HMGN5: variants seen among roughly 807,000 people sequenced by gnomAD.
The protein encoded by HMGN5 is high mobility group nucleosome binding domain 5.
HMGN5 carries 4 observed loss-of-function variants against 9.5 expected under a neutral mutation model. That is an observed-to-expected ratio of 0.42 (90% CI 0.21 to 0.96). HMGN5 has a LOEUF of 0.96. Among genes scored for constraint, HMGN5 ranks in the 40% least tolerant of loss-of-function variants. HMGN5 has a pLI of 0.30. For missense variants in HMGN5, 192 were observed against 187.5 expected (o/e 1.02, Z -0.14); for synonymous variants, 55 against 57.1 (o/e 0.96, Z 0.16).
chrX:81,121,397 C>T (rs113202700), intron 2 of HMGN5, 138 bp downstream of exon 2: 12 of 593,289 alleles, frequency 2.0e-5, no homozygotes, highest in African/African-American at 6.7e-5. Flanking sequence ...GCCCTTCTAC[C>T]CCTTTCCGTT....
At chrX:81,185,295 A>C (rs954957508) in intron 1 of HMGN5, among the ~76,000 whole-genome samples, 2 of 111,340 alleles carry the variant, frequency 1.8e-5, no homozygotes, top group Non-Finnish European at 3.8e-5. Context: ...TTCTTACATC[A>C]ATGTTTTATA....
intron 1 of HMGN5, among the ~76,000 whole-genome samples, chrX:81,147,059 T>C (rs1322159278): frequency 3.6e-5 from 4 of 111,708 alleles, no homozygotes; most frequent in Admixed American, 9.5e-5. Context: ...AGCCAAATTC[T>C]ACTAGAGGTA....
chrX:81,122,673 A>G (rs1420703691), intron 1 of HMGN5, among the ~76,000 whole-genome samples: 1 of 111,912 alleles, frequency 8.9e-6, no homozygotes, highest in African/African-American at 3.3e-5. Flanking sequence ...AAGTATCTTC[A>G]TTACTGAGTT....
At chrX:81,188,673 G>C (rs1201220997) in intron 1 of HMGN5, among the ~76,000 whole-genome samples, 1 of 107,110 alleles carries the variant, frequency 9.3e-6, no homozygotes, top group East Asian at 2.9e-4. Flanking sequence ...TCCCCTTCCT[G>C]TGTCCAAGTG....
intron 1 of HMGN5, among the ~76,000 whole-genome samples, chrX:81,164,830 A>C (rs187664182): frequency 0.011 from 1,262 of 111,146 alleles, 18 homozygotes; most frequent in African/African-American, 0.039. Context: ...TATAACCCCC[A>C]CAGTCTTCCA....
At chrX:81,152,402 C>T (rs1302597074) in intron 1 of HMGN5, among the ~76,000 whole-genome samples, 1 of 110,806 alleles carries the variant, frequency 9.0e-6, no homozygotes, top group Admixed American at 9.6e-5. Flanking sequence ...AAATGCTCAC[C>T]ATCACTGGCC....
intron 1 of HMGN5, among the ~76,000 whole-genome samples, chrX:81,125,976 C>G (rs958951615): frequency 4.6e-5 from 5 of 109,617 alleles, no homozygotes; most frequent in African/African-American, 1.0e-4. Flanking sequence ...GGTGAAACCC[C>G]ATCTCTACCA....
rs986937636 is a variant in HMGN5 at position 81,161,527 on chromosome X, C to T, written c.-123-39855G>A. Among the ~76,000 whole-genome samples the T allele has an allele frequency of 2.3e-4, 25 of 110,905 alleles. No homozygotes were observed. The Admixed American group carries it at 2.4e-3, about 11-fold the overall frequency. On this transcript the variant is annotated intron_variant, in intron 1 of 6. Coordinates refer to ENST00000358130, the MANE Select transcript of HMGN5 (RefSeq NM_030763.3). ...AGAATGCTTTGTTACTCAATTATTG[C>T]TAACTGAAATATAATTTGGTACCTG...
Position 81,115,075 on chromosome X carries a change from T to G in HMGN5, c.423A>C (p.Lys141Asn). 8.6e-7 allele frequency: 1 copy of G among 1,160,107 alleles called. No homozygotes were observed. Among genetic ancestry groups the G allele is most frequent in the Non-Finnish European group, 1.1e-6 (1 of 870,581 alleles). ...KEDEEDQNEE[K>N]GEAGKEDKDE... ...CTTTGTCTTCTTTTCCAGCTTCCCC[T>G]TTCTCTTCGTTTTGATCTTCTTCAT... is the stretch of plus-strand genomic sequence containing the variant. The change falls in exon 7 of 7, where the codon AAA becomes AAC. Residue 141 changes from lysine to asparagine, a missense_variant. Physicochemically the swap from Lys to Asn is moderately conservative, Grantham distance 94. Coordinates refer to ENST00000358130, the MANE Select transcript of HMGN5 (RefSeq NM_030763.3).
At chrX:81,179,338 A>G (rs956145419) in intron 1 of HMGN5, among the ~76,000 whole-genome samples, 15 of 112,000 alleles carry the variant, frequency 1.3e-4, no homozygotes, top group Non-Finnish European at 3.8e-5. Flanking sequence ...TAAGCTGATA[A>G]GCAACTTCAG....
intron 1 of HMGN5, among the ~76,000 whole-genome samples, chrX:81,124,766 C>T (rs1253149654): frequency 5.4e-5 from 6 of 110,947 alleles, no homozygotes; most frequent in Non-Finnish European, 1.1e-4. Context: ...TCTAAGATTA[C>T]GTTGGCTTGT....
rs898978224 is a variant in HMGN5 at position 81,114,356 on chromosome X, G to T, written c.*293C>A. The T allele has an allele frequency of 1.2e-5, 2 of 169,007 alleles. No individual in the cohort carries two copies. Among genetic ancestry groups the T allele is most frequent in the Non-Finnish European group, 2.2e-5 (2 of 91,066 alleles). The allele number at this position is 169,007 out of a possible 1,213,427, so 13.9% of individuals were successfully genotyped here. A position where few individuals can be genotyped will look rare whatever the true frequency, so the allele number is the denominator to read the frequency against. Reference sequence around the variant, plus strand: ...TTATGAAATTATCACATGTATAAAAGAGTAAAATTAAAATTCAAAGATTTG... The same window carrying T: ...TTATGAAATTATCACATGTATAAAATAGTAAAATTAAAATTCAAAGATTTG... On this transcript the variant is annotated 3_prime_UTR_variant, in exon 7 of 7. Coordinates refer to ENST00000358130, the MANE Select transcript of HMGN5 (RefSeq NM_030763.3).
At chrX:81,126,577 A>G (rs2075284280) in intron 1 of HMGN5, among the ~76,000 whole-genome samples, 1 of 111,753 alleles carries the variant, frequency 8.9e-6, no homozygotes, top group Admixed American at 9.6e-5. Flanking sequence ...CTTGCCAGCA[A>G]AGAGGTTTTC....
At chrX:81,154,170 A>C (rs768356404) in intron 1 of HMGN5, among the ~76,000 whole-genome samples, 2 of 111,442 alleles carry the variant, frequency 1.8e-5, no homozygotes, top group South Asian at 7.5e-4. Flanking sequence ...ACAGACATAT[A>C]CACCAAAGGA....
intron 1 of HMGN5, among the ~76,000 whole-genome samples, chrX:81,148,923 A>G (rs918176807): frequency 1.8e-5 from 2 of 112,123 alleles, no homozygotes; most frequent in African/African-American, 6.5e-5. Context: ...CAAAACCACA[A>G]TGAGATACCA....
In HMGN5 at chrX:81,197,581, C is replaced by T. The variant is rs765062370; in HGVS notation, c.-124+4156G>A. ...AGAGGAAAGTGAGGAATTATCAGGG[C>T]GAGAAAAGAGGGTGAATTACAACTC... On this transcript the variant is annotated intron_variant, in intron 1 of 6. Transcript: ENST00000358130. The T allele has an allele frequency of 6.3e-5, 7 of 110,340 alleles. No homozygotes were observed. The South Asian group carries it at 1.5e-3, about 24-fold the overall frequency. 9.1% of individuals were successfully genotyped at this position (110,340 alleles called of 1,213,427 possible).
intron 1 of HMGN5, among the ~76,000 whole-genome samples, chrX:81,175,200 C>A (rs944823906): frequency 1.8e-5 from 2 of 111,878 alleles, no homozygotes; most frequent in Non-Finnish European, 3.8e-5. Context: ...ATGTATTATG[C>A]GAAACCAGTG....
intron 1 of HMGN5, among the ~76,000 whole-genome samples, chrX:81,157,429 C>A (rs1027644513): frequency 8.9e-6 from 1 of 111,937 alleles, no homozygotes; most frequent in African/African-American, 3.2e-5. Flanking sequence ...AGGTGACCAG[C>A]CTTAGAGATC....
intron 1 of HMGN5, among the ~76,000 whole-genome samples, chrX:81,143,560 T>C (rs1429149763): frequency 8.9e-6 from 1 of 112,022 alleles, no homozygotes; most frequent in Non-Finnish European, 1.9e-5. Context: ...ACCCGGGAAA[T>C]GCAAGGGGTC....
Sources: allele counts gnomAD v4.1 joint callset (sites outside exome capture counted in the v4.1 genomes callset), GRCh38; gene constraint gnomAD v4.1.1; transcripts MANE v1.5; gene names NCBI Gene and HGNC (gene_info 2026-07-23, HGNC 2026-07-21).